Variants in PCNX4 observed in about 807,000 individuals in gnomAD.
PCNX4 encodes pecanex 4.
A neutral mutation model predicts 107.2 loss-of-function variants in PCNX4; 103 were observed. The ratio of observed to expected loss-of-function variants is 0.96; its 90% CI spans 0.82 to 1.13. The LOEUF is 1.13. PCNX4 is among the 50% of genes most tolerant of loss of function. The pLI is 0.00. For synonymous variants in PCNX4, 541 were observed against 481.7 expected (o/e 1.12, Z -1.61); for missense variants, 1,528 against 1,379.4 (o/e 1.11, Z -1.71).
In PCNX4 at chr14:60,143,084, C is replaced by G. The variant is rs1006414545; in HGVS notation, c.*8863C>G. 1.3e-5 allele frequency: 2 copies of G among 152,218 alleles called. No homozygotes were observed. The highest frequency in any genetic ancestry group is 4.8e-5 in the African/African-American group (2 of 41,440). 9.4% of individuals were successfully genotyped at this position (152,218 alleles called of 1,614,324 possible). On this transcript the variant is annotated 3_prime_UTR_variant, in exon 11 of 11. Transcript: ENST00000406854. ...GTAGTTGAACAGACATCAGCAGGCA[C>G]AATGCTAGGCAGGCACTGGAGATTC...
chr14:60,121,446 C>A, intron 8 of PCNX4, 147 bp downstream of exon 8: 2 of 842,024 alleles, frequency 2.4e-6, no homozygotes, highest in Non-Finnish European at 3.5e-6. Flanking sequence ...AAGTATATTT[C>A]AATAAGCACA....
chr14:60,115,400 C>CT lies in PCNX4; in HGVS notation c.1299dup (p.Glu434Ter), dbSNP rs746154155. The CT allele has an allele frequency of 8.2e-5, 129 of 1,570,246 alleles. No individual in the cohort carries two copies. The highest frequency in any genetic ancestry group is 1.1e-4 in the Non-Finnish European group (126 of 1,160,398). On this transcript the variant is annotated frameshift_variant, in exon 4 of 11. Transcript: ENST00000406854. LOFTEE classifies it high-confidence loss of function. Reference sequence around the variant, plus strand: ...AGGATGTGCAAACTGTGACTGTATTCTTTGAGAAGCAAACTAGGCTCATGA... The same window carrying CT: ...AGGATGTGCAAACTGTGACTGTATTCTTTTGAGAAGCAAACTAGGCTCATGA...
intron 1 of PCNX4, among the ~76,000 whole-genome samples, chr14:60,102,610 T>C (rs541539854): frequency 1.3e-5 from 2 of 152,350 alleles, no homozygotes; most frequent in African/African-American, 4.8e-5. Context: ...CAGAGTAGTA[T>C]GTGAAGAAAG....
At chr14:60,115,554 T>C (rs889202630) in intron 4 of PCNX4, 93 bp downstream of exon 4, 1 of 1,433,464 alleles carries the variant, frequency 7.0e-7, no homozygotes, top group African/African-American at 1.4e-5. Context: ...TGTGGTATTA[T>C]ACCATATACA....
chr14:60,107,012 C>G (rs1895642142), intron 1 of PCNX4, among the ~76,000 whole-genome samples: 1 of 152,050 alleles, frequency 6.6e-6, no homozygotes, highest in Non-Finnish European at 1.5e-5. Flanking sequence ...CTGTTGACCT[C>G]AGAATTTAAA....
In PCNX4 at chr14:60,144,678, C is replaced by A; in HGVS notation, c.*10457C>A. 7.2e-6 allele frequency: 2 copies of A among 279,516 alleles called. No individual in the cohort carries two copies. Among genetic ancestry groups the A allele is most frequent in the Non-Finnish European group, 1.3e-5 (2 of 151,752 alleles). The allele number at this position is 279,516 out of a possible 1,614,324, so 17.3% of individuals were successfully genotyped here. ...TCTGTGGTATTTTGTTATAGCAGCA[C>A]AAATGGACTAAGACAAATCTGTTAA... On this transcript the variant is annotated 3_prime_UTR_variant, in exon 11 of 11. Transcript: ENST00000406854.
At position 60,141,848 on chromosome 14, in the gene PCNX4, T is replaced by G. The variant is rs573585596; in HGVS notation, c.*7627T>G. ...GCTATGAGCATTCATTTACAAGTCT[T>G]TATGTGGACATAAGCTTTCATTTCT... On this transcript the variant is annotated 3_prime_UTR_variant, in exon 11 of 11. Coordinates refer to ENST00000406854, the MANE Select transcript of PCNX4 (RefSeq NM_001330177.2). 4.0e-4 allele frequency: 61 copies of G among 152,320 alleles called. No homozygotes were observed. The highest frequency in any genetic ancestry group is 1.4e-3 in the African/African-American group (60 of 41,574). 9.4% of individuals were successfully genotyped at this position (152,320 alleles called of 1,614,324 possible).
chr14:60,102,754 G>T (rs1283501406), intron 1 of PCNX4, among the ~76,000 whole-genome samples: 2 of 152,070 alleles, frequency 1.3e-5, no homozygotes, highest in African/African-American at 4.8e-5. Flanking sequence ...CAATGCATCA[G>T]TTCTTCTGGG....
In PCNX4 at chr14:60,139,453, T is replaced by G. The variant is rs1896282208; in HGVS notation, c.*5232T>G. ...CTAATATTTTAATGATTTAACAATA[T>G]AGCCTCAAATATATAAGCAGAAATG... On this transcript the variant is annotated 3_prime_UTR_variant, in exon 11 of 11. Coordinates refer to ENST00000406854, the MANE Select transcript of PCNX4 (RefSeq NM_001330177.2). 1 of 152,062 alleles carries G rather than the reference T, an allele frequency of 6.6e-6. No individual in the cohort carries two copies. Among genetic ancestry groups the G allele is most frequent in the African/African-American group, 2.4e-5 (1 of 41,426 alleles). 9.4% of individuals were successfully genotyped at this position (152,062 alleles called of 1,614,324 possible). A position where few individuals can be genotyped will look rare whatever the true frequency, so the allele number is the denominator to read the frequency against.
In PCNX4 at chr14:60,094,751, T is replaced by G. The variant is rs1895388148; in HGVS notation, c.-54+2332T>G. On this transcript the variant is annotated intron_variant, in intron 1 of 10. Transcript: ENST00000406854. Reference sequence around the variant, plus strand: ...TGCAGGTTTTTGCAATATACTTGTGTTGCTGTAGAGCCCCCCCCCACCCCC... The same window carrying G: ...TGCAGGTTTTTGCAATATACTTGTGGTGCTGTAGAGCCCCCCCCCACCCCC... Among the ~76,000 whole-genome samples the G allele has an allele frequency of 7.8e-5, 7 of 89,878 alleles. No homozygotes were observed. In the Admixed American group the frequency reaches 8.2e-4, roughly 10 times the overall value. 59.0% of individuals were successfully genotyped at this position (89,878 alleles called of 152,430 possible). A position where few individuals can be genotyped will look rare whatever the true frequency, so the allele number is the denominator to read the frequency against.
intron 7 of PCNX4, among the ~76,000 whole-genome samples, chr14:60,118,894 A>G (rs1183239648): frequency 6.6e-6 from 1 of 152,232 alleles, no homozygotes. Context: ...GTTACAAAAT[A>G]AAAATACTCA....
chr14:60,092,059 C>G lies in PCNX4; in HGVS notation c.-414C>G, dbSNP rs1169949569. 2 of 152,370 alleles carry G rather than the reference C, an allele frequency of 1.3e-5. No individual in the cohort carries two copies. Among genetic ancestry groups the G allele is most frequent in the Non-Finnish European group, 2.9e-5 (2 of 68,126 alleles). 9.4% of individuals were successfully genotyped at this position (152,370 alleles called of 1,614,324 possible). Reference sequence around the variant, plus strand: ...CAGGCAGATGTTGGCCTAGTCCTGGCGCGAACGAAGCGCGCTATTTCCCTG... The same window carrying G: ...CAGGCAGATGTTGGCCTAGTCCTGGGGCGAACGAAGCGCGCTATTTCCCTG... On this transcript the variant is annotated 5_prime_UTR_variant, in exon 1 of 11. Coordinates refer to ENST00000406854, the MANE Select transcript of PCNX4 (RefSeq NM_001330177.2).
intron 8 of PCNX4, 102 bp from the exon 9 acceptor site, chr14:60,124,116 C>A: frequency 1.0e-6 from 1 of 965,446 alleles, no homozygotes; most frequent in Non-Finnish European, 1.5e-6. Context: ...TTGTCATTTT[C>A]CATATTTTTG....
At chr14:60,133,737 T>C in intron 10 of PCNX4, 2 of 627,926 alleles carry the variant, frequency 3.2e-6, no homozygotes, top group East Asian at 6.2e-5. Flanking sequence ...CTAATGGTGA[T>C]TGAGATGGCT....
At chr14:60,108,835 A>T (rs1002978283) in intron 2 of PCNX4, 4 of 162,462 alleles carry the variant, frequency 2.5e-5, no homozygotes, top group African/African-American at 9.8e-5. Context: ...TAACAGACAT[A>T]ATTGTTCACA....
intron 2 of PCNX4, among the ~76,000 whole-genome samples, chr14:60,111,492 A>G (rs1895740143): frequency 6.6e-6 from 1 of 152,166 alleles, no homozygotes; most frequent in South Asian, 2.1e-4. Context: ...TTGAGTTTAA[A>G]TGTGTGTATA....
intron 1 of PCNX4, among the ~76,000 whole-genome samples, chr14:60,097,623 C>T (rs1162425574): frequency 6.6e-6 from 1 of 152,154 alleles, no homozygotes; most frequent in Non-Finnish European, 1.5e-5. Flanking sequence ...ACCAATCAGG[C>T]CTAGTAAGAG....
At chr14:60,133,798 T>C (rs1045431426) in intron 10 of PCNX4, 172 bp from the exon 11 acceptor site, 12 of 693,840 alleles carry the variant, frequency 1.7e-5, no homozygotes, top group Middle Eastern at 2.4e-4. Flanking sequence ...AATTCTTGAT[T>C]CTGAATACAG....
intron 1 of PCNX4, among the ~76,000 whole-genome samples, chr14:60,103,593 C>G (rs1259910377): frequency 2.6e-5 from 4 of 152,196 alleles, no homozygotes; most frequent in Non-Finnish European, 4.4e-5. Context: ...AACATACATT[C>G]TCTTTGTGCT....
Sources: gnomAD v4.1 joint callset for allele counts (sites outside exome capture counted in the v4.1 genomes callset) on GRCh38, gnomAD v4.1.1 for gene constraint, MANE v1.5 for transcripts, NCBI Gene and HGNC (gene_info 2026-07-23, HGNC 2026-07-21) for gene names.